SCAPER: variants seen among roughly 807,000 people sequenced by gnomAD.
The protein encoded by SCAPER is S-phase cyclin A associated protein in the ER.
SCAPER carries 98 observed loss-of-function variants against 182.2 expected under a neutral mutation model. That is an observed-to-expected ratio of 0.54 (90% confidence interval 0.46 to 0.64). The LOEUF (loss-of-function observed/expected upper bound fraction) is 0.64. SCAPER is among the 30% of genes least tolerant of loss of function. SCAPER has a pLI of 0.00. For synonymous variants in SCAPER, 605 were observed against 564.6 expected, an observed-to-expected ratio of 1.07 and a Z score of -1.01; for missense variants, 1,432 against 1,690.0, an observed-to-expected ratio of 0.85 and a Z score of 2.68.
At chr15:76,739,055 T>C (rs1446157905) in intron 15 of SCAPER, among the ~76,000 whole-genome samples, 1 of 152,220 alleles carries the variant, frequency 6.6e-6, no homozygotes, top group African/African-American at 2.4e-5. Flanking sequence ...AGAATAACTA[T>C]TGCACAGTAT....
At chr15:76,770,715 C>G (rs2063415871) in intron 10 of SCAPER, among the ~76,000 whole-genome samples, 1 of 152,000 alleles carries the variant, frequency 6.6e-6, no homozygotes, top group South Asian at 2.1e-4. Flanking sequence ...CAGAATCAAA[C>G]TGAAAAATAT....
chr15:76,604,934 G>A (rs530040936), intron 22 of SCAPER, among the ~76,000 whole-genome samples: 371 of 152,174 alleles, frequency 2.4e-3, no homozygotes, highest in African/African-American at 7.8e-3. Context: ...GGGCTGAGAC[G>A]ATGGGGTTTT....
intron 21 of SCAPER, among the ~76,000 whole-genome samples, chr15:76,635,099 T>A (rs1373916833): frequency 6.6e-6 from 1 of 152,144 alleles, no homozygotes; most frequent in Non-Finnish European, 1.5e-5. Flanking sequence ...GAGCTCTATA[T>A]ACATTTAAGA....
chr15:76,393,751 T>C (rs1476947044), intron 27 of SCAPER, among the ~76,000 whole-genome samples: 1 of 152,180 alleles, frequency 6.6e-6, no homozygotes, highest in Non-Finnish European at 1.5e-5. Context: ...GGCTGAGTCA[T>C]AAAAGGTGAT....
At chr15:76,657,461 A>C (rs1319885873) in intron 21 of SCAPER, among the ~76,000 whole-genome samples, 1 of 151,900 alleles carries the variant, frequency 6.6e-6, no homozygotes, top group Non-Finnish European at 1.5e-5. Context: ...GATTCCACCA[A>C]ATGTATAAAG....
chr15:76,765,481 T>C, intron 12 of SCAPER, 27 bp from the exon 13 acceptor site: 1 of 1,610,672 alleles, frequency 6.2e-7, no homozygotes, highest in Non-Finnish European at 8.5e-7. Context: ...ACTATTATTG[T>C]TTAGCCACAT....
intron 5 of SCAPER, among the ~76,000 whole-genome samples, chr15:76,814,366 A>G (rs981580401): frequency 3.9e-5 from 6 of 152,242 alleles, no homozygotes; most frequent in African/African-American, 1.4e-4. Flanking sequence ...ATTACACTAC[A>G]AATCAACAGT....
intron 17 of SCAPER, among the ~76,000 whole-genome samples, chr15:76,716,741 G>T (rs1005182477): frequency 2.1e-4 from 32 of 151,680 alleles, no homozygotes; most frequent in African/African-American, 6.3e-4. Flanking sequence ...AAATGACTCA[G>T]AAGAGAAGAA....
At chr15:76,464,609 A>G (rs781579704) in intron 25 of SCAPER, among the ~76,000 whole-genome samples, 2 of 152,122 alleles carry the variant, frequency 1.3e-5, no homozygotes, top group African/African-American at 2.4e-5. Flanking sequence ...AGTGTTTAAG[A>G]GTCAATTGTA....
At chr15:76,631,542 C>A (rs2053110132) in intron 21 of SCAPER, among the ~76,000 whole-genome samples, 1 of 152,150 alleles carries the variant, frequency 6.6e-6, no homozygotes, top group African/African-American at 2.4e-5. Context: ...TTCTCCTTCA[C>A]TAATGAAGTT....
At chr15:76,559,364 A>G (rs1318063318) in intron 23 of SCAPER, among the ~76,000 whole-genome samples, 4 of 151,562 alleles carry the variant, frequency 2.6e-5, no homozygotes, top group East Asian at 1.9e-4. Context: ...CCGAGATCTG[A>G]TGGTTTTATA....
intron 5 of SCAPER, among the ~76,000 whole-genome samples, chr15:76,841,442 T>A (rs556961170): frequency 6.6e-6 from 1 of 151,824 alleles, no homozygotes; most frequent in South Asian, 2.1e-4. Context: ...AGGTCAGGAG[T>A]TCGAGACCAG....
intron 5 of SCAPER, among the ~76,000 whole-genome samples, chr15:76,837,803 A>T (rs972469699): frequency 2.6e-5 from 4 of 152,244 alleles, no homozygotes; most frequent in African/African-American, 7.2e-5. Context: ...ATATGAAAAA[A>T]TGCTCAACAT....
chr15:76,842,784 T>C (rs1175451172), intron 4 of SCAPER, among the ~76,000 whole-genome samples: 1 of 152,178 alleles, frequency 6.6e-6, no homozygotes, highest in African/African-American at 2.4e-5. Flanking sequence ...AGAGGCTGAG[T>C]TGTTCAAGGT....
chr15:76,734,703 C>T (rs948632202), intron 15 of SCAPER, among the ~76,000 whole-genome samples: 5 of 151,978 alleles, frequency 3.3e-5, no homozygotes, highest in South Asian at 2.1e-4. Flanking sequence ...GGTGAAACCC[C>T]GTCTCTACTA....
chr15:76,547,602 T>C (rs963134842), intron 23 of SCAPER, among the ~76,000 whole-genome samples: 6 of 152,224 alleles, frequency 3.9e-5, no homozygotes, highest in African/African-American at 1.4e-4. Context: ...ATGTTAAAAG[T>C]TCTGCTTTTT....
At chr15:76,577,684 C>T (rs138930189) in intron 22 of SCAPER, among the ~76,000 whole-genome samples, 6 of 152,122 alleles carry the variant, frequency 3.9e-5, no homozygotes, top group Admixed American at 1.3e-4. Context: ...TGGGCCCTCA[C>T]GAGTTAGCAG....
At chr15:76,406,741 G>A (rs2044869236) in intron 26 of SCAPER, among the ~76,000 whole-genome samples, 1 of 152,136 alleles carries the variant, frequency 6.6e-6, no homozygotes. Flanking sequence ...AAAAGCTTTT[G>A]TTTTTATCTG....
intron 1 of SCAPER, among the ~76,000 whole-genome samples, chr15:76,892,780 A>G (rs984331495): frequency 6.6e-6 from 1 of 152,220 alleles, no homozygotes; most frequent in Non-Finnish European, 1.5e-5. Context: ...TCAAGGATCT[A>G]GAACTAGAAA....
Sources: allele counts gnomAD v4.1 joint callset (sites outside exome capture counted in the v4.1 genomes callset), GRCh38; gene constraint gnomAD v4.1.1; transcripts MANE v1.5; gene names NCBI Gene and HGNC (gene_info 2026-07-23, HGNC 2026-07-21).